Variants in P3H2 observed in about 807,000 individuals in gnomAD.
P3H2 encodes prolyl 3-hydroxylase 2, also known as leprecan-like 1.
A neutral mutation model predicts 87.0 loss-of-function variants in P3H2; 80 were observed. That is an observed-to-expected ratio of 0.92 (90% CI 0.77 to 1.11). P3H2 has a LOEUF of 1.11. P3H2 is among the 50% of genes least tolerant of loss of function. P3H2 has a pLI of 0.00. For synonymous variants in P3H2, 367 were observed against 359.3 expected (o/e 1.02, Z -0.24); for missense variants, 1,001 against 923.9 (o/e 1.08, Z -1.08).
rs746444503 is a variant in P3H2, at chr3:189,984,570, T to G, written c.1209A>C (p.Gly403=). ...CTTACCGATTCTCATCCTGTCGTCC[T>G]CCATATCTGATCCAATAATTCTGTT... ...YTEPNYWIRY[G]GRQDENRVPS... is the part of the protein sequence containing the mutation. Residue 403 remains glycine, a synonymous_variant, in exon 7 of 15, where the codon GGA becomes GGC. Coordinates refer to ENST00000319332, the MANE Select transcript of P3H2 (RefSeq NM_018192.4). 2.6e-5 allele frequency: 42 copies of G among 1,610,644 alleles called. No homozygotes were observed. In the East Asian group the frequency reaches 9.4e-4, roughly 36 times the overall value.
rs1560344139 is a variant in P3H2, at chr3:189,974,767, G to A, written c.1325-82C>T. The A allele has an allele frequency of 3.3e-6, 5 of 1,536,986 alleles. No homozygotes were observed. In the East Asian group the frequency reaches 9.0e-5, roughly 28 times the overall value. On this transcript the variant is annotated intron_variant, in intron 8 of 14. Coordinates refer to ENST00000319332, the MANE Select transcript of P3H2 (RefSeq NM_018192.4). ...CAGAATACCAAACAGCTTTCAATGT[G>A]CAATTCGAGTGAGTCCATTTCTTCA...
chr3:190,004,440 T>C (rs1474268732), intron 1 of P3H2, among the ~76,000 whole-genome samples: 1 of 152,174 alleles, frequency 6.6e-6, no homozygotes, highest in Non-Finnish European at 1.5e-5. Context: ...TGGAGTGCAG[T>C]GGCGGGATCT....
At chr3:190,067,772 A>G (rs1726560219) in intron 1 of P3H2, among the ~76,000 whole-genome samples, 1 of 152,160 alleles carries the variant, frequency 6.6e-6, no homozygotes, top group Admixed American at 6.5e-5. Flanking sequence ...TTTATTCTTA[A>G]GTATACAAAA....
chr3:190,051,507 C>T (rs1202564577), intron 1 of P3H2, among the ~76,000 whole-genome samples: 2 of 152,104 alleles, frequency 1.3e-5, no homozygotes, highest in African/African-American at 2.4e-5. Flanking sequence ...GAAGTCCTTG[C>T]TTAAAGAAGA....
intron 1 of P3H2, among the ~76,000 whole-genome samples, chr3:190,018,642 G>C (rs1055565566): frequency 7.2e-5 from 11 of 152,166 alleles, no homozygotes; most frequent in Admixed American, 3.9e-4. Context: ...CCAGGAATTT[G>C]AGGTTGCAAT....
chr3:190,055,458 C>T (rs1269319750), intron 1 of P3H2, among the ~76,000 whole-genome samples: 1 of 148,994 alleles, frequency 6.7e-6, no homozygotes, highest in Non-Finnish European at 1.5e-5. Context: ...TTCATTATAA[C>T]AAGAATCTTT....
intron 1 of P3H2, among the ~76,000 whole-genome samples, chr3:190,035,797 A>C (rs1725400669): frequency 6.6e-6 from 1 of 152,154 alleles, no homozygotes; most frequent in African/African-American, 2.4e-5. Flanking sequence ...TGGGGGATTT[A>C]AAGCAAACCC....
At chr3:190,044,436 C>T (rs756751727) in intron 1 of P3H2, among the ~76,000 whole-genome samples, 2 of 152,196 alleles carry the variant, frequency 1.3e-5, no homozygotes, top group Non-Finnish European at 2.9e-5. Flanking sequence ...CCACACCTCT[C>T]GCTAGAATGC....
intron 10 of P3H2, 133 bp downstream of exon 10, chr3:189,973,776 A>C (rs1171995314): frequency 3.9e-6 from 3 of 760,628 alleles, no homozygotes; most frequent in Non-Finnish European, 7.3e-6. Context: ...TGCCTGCCTC[A>C]GCCTCCCAAA....
rs764389299 is a variant in P3H2, at chr3:189,995,308, T to C, written c.615A>G (p.Arg205=). 1 of 1,614,142 alleles carries C rather than the reference T, an allele frequency of 6.2e-7. No homozygotes were observed. Among genetic ancestry groups the C allele is most frequent in the Non-Finnish European group, 8.5e-7 (1 of 1,180,012 alleles). ...AGVEALQLVD[R]EAKPHMESYN... ...AGCTTACCATGTGTGGCTTGGCTTC[T>C]CTGTCTACCAACTGCAATGCTTCAA... The change falls in exon 2 of 15, where the codon AGA becomes AGG. Residue 205 remains arginine (R), a synonymous_variant. Coordinates refer to ENST00000319332, the MANE Select transcript of P3H2 (RefSeq NM_018192.4).
In P3H2 at chr3:190,020,293, T is replaced by C. The variant is rs558027000; in HGVS notation, c.481-24851A>G. ...GCACACGAATGTGTGATCTTGCTAATGTAAACGTCAAAGGATTTAGAAAAA... is the reference window on the plus strand; with the variant it reads ...GCACACGAATGTGTGATCTTGCTAACGTAAACGTCAAAGGATTTAGAAAAA... On this transcript the variant is annotated intron_variant, in intron 1 of 14. Transcript: ENST00000319332. Among the ~76,000 whole-genome samples the C allele has an allele frequency of 3.7e-5, 5 of 134,832 alleles. 1 individual carries two copies. The highest frequency in any genetic ancestry group is 5.3e-4 in the South Asian group (2 of 3,808). 88.5% of individuals were successfully genotyped at this position (134,832 alleles called of 152,430 possible).
At chr3:189,985,622 T>C (rs1222474891) in intron 6 of P3H2, among the ~76,000 whole-genome samples, 1 of 149,378 alleles carries the variant, frequency 6.7e-6, no homozygotes, top group African/African-American at 2.4e-5. Context: ...ATAAATAAAT[T>C]AATAATAAAT....
intron 1 of P3H2, among the ~76,000 whole-genome samples, chr3:190,011,730 A>T (rs191657834): frequency 1.3e-5 from 2 of 152,344 alleles, no homozygotes; most frequent in South Asian, 2.1e-4. Flanking sequence ...TAATGGGCAT[A>T]GATTAACTTA....
chr3:189,974,731 G>A (rs562207543), intron 8 of P3H2, 46 bp from the exon 9 acceptor site: 19 of 1,612,622 alleles, frequency 1.2e-5, no homozygotes, highest in African/African-American at 5.3e-5. Context: ...TCTGTCCCCC[G>A]AAAGGAAGCA....
intron 1 of P3H2, among the ~76,000 whole-genome samples, chr3:190,056,608 A>G (rs1293737367): frequency 6.6e-6 from 1 of 152,240 alleles, no homozygotes; most frequent in African/African-American, 2.4e-5. Context: ...GATAATCTGG[A>G]TTAATCCATT....
intron 1 of P3H2, among the ~76,000 whole-genome samples, chr3:190,084,899 C>T (rs1727160764): frequency 6.6e-6 from 1 of 150,544 alleles, no homozygotes; most frequent in African/African-American, 2.4e-5. Flanking sequence ...AGCTCTGTAC[C>T]TAAGGGTAAT....
intron 1 of P3H2, 70 bp from the exon 2 acceptor site, chr3:189,995,512 T>C: frequency 7.0e-7 from 1 of 1,430,152 alleles, no homozygotes; most frequent in Non-Finnish European, 9.5e-7. Context: ...AATACAAAGA[T>C]CAATCCAAAA....
chr3:189,988,566 C>T (rs553271829), intron 4 of P3H2, among the ~76,000 whole-genome samples: 10 of 152,180 alleles, frequency 6.6e-5, no homozygotes, highest in South Asian at 2.1e-4. Context: ...GTGCCATCAA[C>T]GCCAGGATAA....
intron 8 of P3H2, among the ~76,000 whole-genome samples, chr3:189,976,015 A>G (rs578042998): frequency 6.6e-6 from 1 of 152,358 alleles, no homozygotes; most frequent in African/African-American, 2.4e-5. Context: ...AAGACTAAAT[A>G]AAAGCAAGAC....
Sources: gnomAD v4.1 joint callset for allele counts (sites outside exome capture counted in the v4.1 genomes callset) on GRCh38, gnomAD v4.1.1 for gene constraint, MANE v1.5 for transcripts, NCBI Gene and HGNC (gene_info 2026-07-23, HGNC 2026-07-21) for gene names.